The following SLC24A2 variants were observed in gnomAD, a reference collection of about 807,000 sequenced individuals.
SLC24A2 encodes sodium/potassium/calcium exchanger 2.
Under a neutral mutation model 62.0 loss-of-function variants are expected in SLC24A2, and 36 were observed. The ratio of observed to expected loss-of-function variants is 0.58; its 90% CI spans 0.44 to 0.77. The LOEUF (loss-of-function observed/expected upper bound fraction) is 0.77, where lower values mean the gene tolerates loss of function less well. Ranked by LOEUF, SLC24A2 falls within the 30% of genes least tolerant of loss-of-function variation. SLC24A2 has a pLI of 0.00. For missense variants in SLC24A2, 846 were observed against 817.9 expected (o/e 1.03, Z -0.42); for synonymous variants, 358 against 294.0 (o/e 1.22, Z -2.23).
chr9:19,560,053 G>C (rs964347627), intron 7 of SLC24A2, among the ~76,000 whole-genome samples: 1 of 152,108 alleles, frequency 6.6e-6, no homozygotes, highest in African/African-American at 2.4e-5. Context: ...TGCCAAACAA[G>C]GTGTGCTGTG....
chr9:19,552,704 C>T (rs1361972629), intron 7 of SLC24A2, among the ~76,000 whole-genome samples: 1 of 152,162 alleles, frequency 6.6e-6, no homozygotes, highest in East Asian at 1.9e-4. Flanking sequence ...ACAAAAGCAA[C>T]TCTTTATGAC....
chr9:19,551,047 C>A (rs1308462920), intron 7 of SLC24A2, among the ~76,000 whole-genome samples: 1 of 152,136 alleles, frequency 6.6e-6, no homozygotes, highest in Non-Finnish European at 1.5e-5. Flanking sequence ...TCACCCTAGT[C>A]TCCTAAGGAA....
Position 19,595,022 on chromosome 9 carries a change from A to C in SLC24A2, c.1129+2207T>G, listed in dbSNP as rs938177712. Among the ~76,000 whole-genome samples the C allele has an allele frequency of 7.2e-5, 11 of 152,198 alleles. No homozygotes were observed. The South Asian group carries it at 1.2e-3, about 17-fold the overall frequency. ...TTTCTAGTACTTGAGAGGGATTGCT[A>C]TGTATTTAGAAAATTTAAAAATCTT... On this transcript the variant is annotated intron_variant, in intron 5 of 10. Transcript: ENST00000341998.
intron 2 of SLC24A2, among the ~76,000 whole-genome samples, chr9:19,784,484 C>G (rs918329596): frequency 2.6e-5 from 4 of 152,156 alleles, no homozygotes; most frequent in African/African-American, 4.8e-5. Context: ...TATAAGACAT[C>G]GAATCATTTC....
intron 8 of SLC24A2, among the ~76,000 whole-genome samples, chr9:19,549,053 G>A (rs1431360331): frequency 1.3e-5 from 2 of 152,188 alleles, no homozygotes; most frequent in African/African-American, 4.8e-5. Flanking sequence ...GTGGGTGGGT[G>A]TATTCTCTTG....
intron 7 of SLC24A2, among the ~76,000 whole-genome samples, chr9:19,554,410 T>G (rs1029229626): frequency 6.6e-6 from 1 of 152,254 alleles, no homozygotes; most frequent in African/African-American, 2.4e-5. Flanking sequence ...GGAGGATATA[T>G]ATTTGTTATA....
At chr9:19,693,714 T>C (rs1280883739) in intron 2 of SLC24A2, among the ~76,000 whole-genome samples, 32 of 152,172 alleles carry the variant, frequency 2.1e-4, no homozygotes, top group Admixed American at 2.0e-3. Flanking sequence ...AAGATGCTTC[T>C]CATGTACAGA....
the SLC24A2 span, among the ~76,000 whole-genome samples, chr9:20,037,241 T>C: frequency 6.6e-6 from 1 of 152,098 alleles, no homozygotes; most frequent in Non-Finnish European, 1.5e-5. Flanking sequence ...CCCAACACAA[T>C]GTAAAGACTA....
intron 9 of SLC24A2, among the ~76,000 whole-genome samples, chr9:19,525,211 G>A: frequency 6.6e-6 from 1 of 152,086 alleles, no homozygotes; most frequent in East Asian, 1.9e-4. Context: ...AAATAACTGT[G>A]ATATGAATAA....
the SLC24A2 span, among the ~76,000 whole-genome samples, chr9:20,006,797 T>C: frequency 3.7e-3 from 556 of 152,288 alleles, 10 homozygotes; most frequent in African/African-American, 0.013. Context: ...GCCTTGGTAC[T>C]ACAAAGATCT....
intron 7 of SLC24A2, among the ~76,000 whole-genome samples, chr9:19,567,915 A>C (rs1835723292): frequency 6.6e-6 from 1 of 152,182 alleles, no homozygotes; most frequent in Admixed American, 6.6e-5. Flanking sequence ...CTCTATTGCC[A>C]CGGTAAAGAC....
chr9:19,528,464 C>A (rs886216275), intron 8 of SLC24A2, among the ~76,000 whole-genome samples: 4 of 152,134 alleles, frequency 2.6e-5, no homozygotes, highest in African/African-American at 7.2e-5. Flanking sequence ...TTTGGCCTTT[C>A]CTTCAATATT....
At chr9:19,713,609 G>A (rs1469956252) in intron 2 of SLC24A2, among the ~76,000 whole-genome samples, 1 of 151,732 alleles carries the variant, frequency 6.6e-6, no homozygotes, top group Non-Finnish European at 1.5e-5. Flanking sequence ...TTTTGATAAT[G>A]AGAAGAAGTC....
rs185393917 is a variant in SLC24A2, at chr9:19,510,069, G to C, written c.*6084C>G. ...TGGGTAAGTACAGGCCCAGAGTTTT[G>C]GAGTAATCTAAAGTGGTGTCTCCCC... On this transcript the variant is annotated 3_prime_UTR_variant, in exon 11 of 11. Transcript: ENST00000341998. The C allele has an allele frequency of 6.6e-6, 1 of 152,198 alleles. No homozygotes were observed. Among genetic ancestry groups the C allele is most frequent in the East Asian group, 1.9e-4 (1 of 5,184 alleles). The allele number at this position is 152,198 out of a possible 1,614,324, so 9.4% of individuals were successfully genotyped here.
chr9:19,915,452 G>A, the SLC24A2 span, among the ~76,000 whole-genome samples: 1 of 152,044 alleles, frequency 6.6e-6, no homozygotes, highest in Non-Finnish European at 1.5e-5. Context: ...ATATACCTAG[G>A]TATAGAATTG....
rs1832653733 is a variant in SLC24A2 at position 19,509,926 on chromosome 9, C to T, written c.*6227G>A. The T allele has an allele frequency of 6.6e-6, 1 of 152,132 alleles. No homozygotes were observed. Among genetic ancestry groups the T allele is most frequent in the African/African-American group, 2.4e-5 (1 of 41,426 alleles). The allele number at this position is 152,132 out of a possible 1,614,324, so 9.4% of individuals were successfully genotyped here. A position where few individuals can be genotyped will look rare whatever the true frequency, so the allele number is the denominator to read the frequency against. On this transcript the variant is annotated 3_prime_UTR_variant, in exon 11 of 11. Transcript: ENST00000341998. ...AATCAGTAGCTTTACAAATCCTATC[C>T]AACCTACCACACAAAAGGATATAAA...
At chr9:20,208,825 T>A in the SLC24A2 span, among the ~76,000 whole-genome samples, 2 of 152,226 alleles carry the variant, frequency 1.3e-5, no homozygotes, top group Non-Finnish European at 2.9e-5. Flanking sequence ...CCTTAATGGC[T>A]GCCTCCAGAA....
chr9:20,189,542 G>T, the SLC24A2 span, among the ~76,000 whole-genome samples: 1 of 152,180 alleles, frequency 6.6e-6, no homozygotes, highest in African/African-American at 2.4e-5. Context: ...TGTCAGATCT[G>T]TCTAGACCAT....
the SLC24A2 span, among the ~76,000 whole-genome samples, chr9:19,992,820 C>T: frequency 6.6e-6 from 1 of 152,140 alleles, no homozygotes; most frequent in Non-Finnish European, 1.5e-5. Context: ...CTTAAATAAC[C>T]CACAAGGGTG....
Sources: allele counts gnomAD v4.1 joint callset (sites outside exome capture counted in the v4.1 genomes callset), GRCh38; gene constraint gnomAD v4.1.1; transcripts MANE v1.5; gene names NCBI Gene and HGNC (gene_info 2026-07-23, HGNC 2026-07-21).